UNC13C: variants seen among roughly 807,000 people sequenced by gnomAD.
UNC13C encodes the protein protein unc-13 homolog C.
UNC13C carries 174 observed loss-of-function variants against 245.4 expected under a neutral mutation model. That is an observed-to-expected ratio of 0.71 (90% CI 0.63 to 0.80). UNC13C has a LOEUF of 0.80. Among genes scored for constraint, UNC13C ranks in the 30% least tolerant of loss-of-function variants. UNC13C has a pLI of 0.00. For synonymous variants in UNC13C, 992 were observed against 895.1 expected (o/e 1.11, Z -1.93); for missense variants, 2,829 against 2,602.9 (o/e 1.09, Z -1.89).
chr15:53,873,538 T>A, the UNC13C span, among the ~76,000 whole-genome samples: 4 of 151,994 alleles, frequency 2.6e-5, no homozygotes, highest in African/African-American at 9.7e-5. Context: ...CTCTTTTGGA[T>A]TTTTTTTCCT....
In UNC13C at chr15:54,250,319, C is replaced by A. The variant is rs1380355948; in HGVS notation, c.3323C>A (p.Pro1108His). The A allele has an allele frequency of 6.2e-6, 10 of 1,613,756 alleles. No individual in the cohort carries two copies. The highest frequency in any genetic ancestry group is 8.5e-6 in the Non-Finnish European group (10 of 1,179,866). The change falls in exon 8 of 33, where the codon CCC (proline) becomes CAC (histidine). Residue 1108 changes from proline to histidine, a missense_variant. By Grantham distance (77) the Pro-to-His change is moderately conservative (BLOSUM62 -2). Coordinates refer to ENST00000260323, the MANE Select transcript of UNC13C (RefSeq NM_001080534.3). ...HNFEVWTATT[P>H]TYCYECEGLL... ...TTTGAGGTCTGGACGGCTACCACAC[C>A]CACCTACTGTTATGAGTGTGAAGGG...
chr15:54,115,081 C>G (rs1471957502), intron 2 of UNC13C, among the ~76,000 whole-genome samples: 1 of 151,978 alleles, frequency 6.6e-6, no homozygotes, highest in African/African-American at 2.4e-5. Flanking sequence ...GAAATATATA[C>G]TGTTCTTTTA....
chr15:53,914,192 C>T, the UNC13C span: 2 of 148,412 alleles, frequency 1.3e-5, no homozygotes, highest in African/African-American at 2.5e-5. Context: ...ATGTTTCCCT[C>T]AGCCTAGGGG....
chr15:54,200,556 C>T (rs980697993), intron 4 of UNC13C, among the ~76,000 whole-genome samples: 7 of 151,972 alleles, frequency 4.6e-5, no homozygotes, highest in Admixed American at 6.6e-5. Context: ...AATGAAATAA[C>T]CTGCTCCTGA....
In UNC13C at chr15:54,404,390, ATTG is replaced by A. The variant is rs568669118; in HGVS notation, c.4848-10587_4848-10585del. ...GCAAGATAATAAATTGGATTATTAA[ATTG>A]TTGTGTCTCATAAGATTCAAGATTT... On this transcript the variant is annotated intron_variant, in intron 18 of 32. Transcript: ENST00000260323. Among the ~76,000 whole-genome samples, 318 of 152,278 alleles carry A rather than the reference ATTG, an allele frequency of 2.1e-3. 3 individuals are homozygous for A. The highest frequency in any genetic ancestry group is 3.1e-3 in the Non-Finnish European group (210 of 68,000).
At chr15:53,997,554 T>A (rs1301641529) in intron 1 of UNC13C, among the ~76,000 whole-genome samples, 4 of 152,180 alleles carry the variant, frequency 2.6e-5, no homozygotes, top group South Asian at 2.1e-4. Flanking sequence ...ATTAATTCTG[T>A]ATGCAGAATT....
chr15:54,267,151 A>T (rs1020098068), intron 10 of UNC13C, among the ~76,000 whole-genome samples: 11 of 148,762 alleles, frequency 7.4e-5, no homozygotes, highest in Non-Finnish European at 1.6e-4. Flanking sequence ...ATTTGTATGT[A>T]AATATTTGTG....
chr15:54,189,871 C>G (rs1352527563), intron 4 of UNC13C, among the ~76,000 whole-genome samples: 1 of 152,090 alleles, frequency 6.6e-6, no homozygotes, highest in Middle Eastern at 3.4e-3. Context: ...GGTAAAGATT[C>G]TATTTTGGAA....
intron 17 of UNC13C, among the ~76,000 whole-genome samples, chr15:54,366,629 CTT>C (rs766471570): frequency 3.9e-5 from 6 of 151,942 alleles, no homozygotes; most frequent in African/African-American, 4.8e-5. Context: ...ATAATTAACT[CTT>C]TGACCCAGGA....
the UNC13C span, among the ~76,000 whole-genome samples, chr15:53,866,260 G>A: frequency 6.6e-6 from 1 of 152,112 alleles, no homozygotes; most frequent in Non-Finnish European, 1.5e-5. Context: ...TAAAATATAT[G>A]TGCTATACAT....
chr15:54,200,745 G>A (rs1378652061), intron 4 of UNC13C, among the ~76,000 whole-genome samples: 1 of 151,810 alleles, frequency 6.6e-6, no homozygotes, highest in African/African-American at 2.4e-5. Context: ...ACAATCTAAG[G>A]TCACACCTCA....
chr15:54,549,696 T>C lies in UNC13C; in HGVS notation c.5877+5T>C. ...GGACAATTATCCAAACTGAAGGTAATAAAAATAAGGAAATTACTTATTCAT... is the reference window on the plus strand; with the variant it reads ...GGACAATTATCCAAACTGAAGGTAACAAAAATAAGGAAATTACTTATTCAT... On this transcript the variant is annotated splice_donor_5th_base_variant and intron_variant, in intron 28 of 32. Transcript: ENST00000260323. The C allele has an allele frequency of 6.3e-7, 1 of 1,579,830 alleles. No individual in the cohort carries two copies. Among genetic ancestry groups the C allele is most frequent in the South Asian group, 1.2e-5 (1 of 86,572 alleles).
intron 15 of UNC13C, 34 bp downstream of exon 15, chr15:54,332,145 G>T (rs763904072): frequency 1.4e-6 from 2 of 1,423,336 alleles, no homozygotes; most frequent in South Asian, 2.8e-5. Flanking sequence ...AAAGAAAACT[G>T]TTGTTTGGTC....
intron 6 of UNC13C, among the ~76,000 whole-genome samples, chr15:54,237,075 G>A (rs915598045): frequency 1.1e-4 from 17 of 152,184 alleles, no homozygotes; most frequent in Middle Eastern, 3.4e-3. Context: ...TACCAGCATC[G>A]AGTGAAGAAA....
chr15:53,928,320 T>C, the UNC13C span, among the ~76,000 whole-genome samples: 30 of 152,242 alleles, frequency 2.0e-4, no homozygotes, highest in African/African-American at 7.2e-4. Context: ...TAGGTTGGGC[T>C]AGTTAACTGC....
chr15:54,305,520 T>C (rs1354412658), intron 13 of UNC13C, among the ~76,000 whole-genome samples: 1 of 151,956 alleles, frequency 6.6e-6, no homozygotes, highest in African/African-American at 2.4e-5. Flanking sequence ...AAAAAAACTG[T>C]TTATGAATAA....
rs978047378 is a variant in UNC13C, at chr15:54,359,387, A to C, written c.4713+20898A>C. 2.0e-5 allele frequency among the ~76,000 whole-genome samples: 3 copies of C among 152,054 alleles called. No homozygotes were observed. In the South Asian group the frequency reaches 6.2e-4, roughly 31 times the overall value. On this transcript the variant is annotated intron_variant, in intron 17 of 32. Transcript: ENST00000260323. ...TTCAATTTTTTATGATGAATTTGAG[A>C]AAAGTTAATATGTGTTCTTCCTTAA... is the stretch of plus-strand genomic sequence containing the variant.
intron 13 of UNC13C, among the ~76,000 whole-genome samples, chr15:54,307,805 C>T (rs1596189335): frequency 6.6e-6 from 1 of 151,988 alleles, no homozygotes; most frequent in Non-Finnish European, 1.5e-5. Context: ...CAACCCATAG[C>T]ATCTTTGAGA....
intron 7 of UNC13C, among the ~76,000 whole-genome samples, chr15:54,243,890 CAGAT>C (rs1420461199): frequency 3.3e-5 from 5 of 151,986 alleles, no homozygotes; most frequent in African/African-American, 1.2e-4. Context: ...CTTTGTCAGA[CAGAT>C]AGATTGCAAA....
Sources: gnomAD v4.1 joint callset for allele counts (sites outside exome capture counted in the v4.1 genomes callset) on GRCh38, gnomAD v4.1.1 for gene constraint, MANE v1.5 for transcripts, NCBI Gene and HGNC (gene_info 2026-07-23, HGNC 2026-07-21) for gene names.